LINGO2: variants seen among roughly 807,000 people sequenced by gnomAD.
The protein encoded by LINGO2 is leucine rich repeat and Ig domain containing 2.
A neutral mutation model predicts 30.6 loss-of-function variants in LINGO2; 14 were observed. That is an observed-to-expected ratio of 0.46 (90% confidence interval 0.30 to 0.72). The LOEUF (loss-of-function observed/expected upper bound fraction) is 0.72. Among genes scored for constraint, LINGO2 ranks in the 30% least tolerant of loss-of-function variants. The probability of loss-of-function intolerance (pLI) is 0.07; values close to 1 mark genes in which losing one functional copy is unlikely to be tolerated. For synonymous variants in LINGO2, 317 were observed against 288.5 expected, an observed-to-expected ratio of 1.10 and a Z score of -1.00; for missense variants, 729 against 751.7, an observed-to-expected ratio of 0.97 and a Z score of 0.35.
At chr9:28,117,331 A>G (rs1826942431) in intron 4 of LINGO2, among the ~76,000 whole-genome samples, 1 of 144,466 alleles carries the variant, frequency 6.9e-6, no homozygotes, top group Non-Finnish European at 1.5e-5. Context: ...AGACAGGGAC[A>G]TTTAAGTCTG....
intron 3 of LINGO2, among the ~76,000 whole-genome samples, chr9:28,318,544 T>A (rs1466988332): frequency 6.6e-6 from 1 of 152,158 alleles, no homozygotes; most frequent in Non-Finnish European, 1.5e-5. Flanking sequence ...AGTGATAGAA[T>A]GTGACACTTG....
intron 4 of LINGO2, among the ~76,000 whole-genome samples, chr9:28,127,333 CTA>C (rs930213296): frequency 1.1e-4 from 17 of 152,150 alleles, no homozygotes; most frequent in Non-Finnish European, 2.4e-4. Context: ...TAAAGTACAA[CTA>C]TACTGTTGAA....
intron 5 of LINGO2, among the ~76,000 whole-genome samples, chr9:27,981,255 T>C (rs986788138): frequency 6.6e-6 from 1 of 151,744 alleles, no homozygotes; most frequent in Admixed American, 6.6e-5. Flanking sequence ...CACTTTCCCA[T>C]GTTTTATCTC....
At chr9:28,812,612 T>C in the LINGO2 span, among the ~76,000 whole-genome samples, 1 of 152,188 alleles carries the variant, frequency 6.6e-6, no homozygotes, top group Non-Finnish European at 1.5e-5. Flanking sequence ...ATCTTTCTTT[T>C]ATAAAATATC....
chr9:29,099,408 T>C, the LINGO2 span, among the ~76,000 whole-genome samples: 1 of 152,068 alleles, frequency 6.6e-6, no homozygotes. Context: ...AAAAAGCTTC[T>C]GCAATGCCAA....
intron 4 of LINGO2, among the ~76,000 whole-genome samples, chr9:28,240,004 A>C (rs1321746738): frequency 6.6e-6 from 1 of 152,156 alleles, no homozygotes; most frequent in Non-Finnish European, 1.5e-5. Context: ...ACAATGTGAA[A>C]AATAAATTAA....
the LINGO2 span, among the ~76,000 whole-genome samples, chr9:29,087,634 T>C: frequency 6.6e-6 from 1 of 152,162 alleles, no homozygotes; most frequent in South Asian, 2.1e-4. Flanking sequence ...TATCTCTTAA[T>C]CTTTTAATTT....
intron 4 of LINGO2, among the ~76,000 whole-genome samples, chr9:28,082,882 C>T (rs144593031): frequency 6.6e-6 from 1 of 152,022 alleles, no homozygotes; most frequent in Non-Finnish European, 1.5e-5. Context: ...ATTGTGCAAC[C>T]TTTAAGGCTT....
the LINGO2 span, among the ~76,000 whole-genome samples, chr9:29,191,247 G>C: frequency 1.3e-5 from 2 of 152,038 alleles, no homozygotes; most frequent in African/African-American, 2.4e-5. Context: ...CAGTCTGTTA[G>C]GTGCATTTAA....
intron 5 of LINGO2, among the ~76,000 whole-genome samples, chr9:27,973,489 G>C (rs1322927292): frequency 6.6e-6 from 1 of 152,136 alleles, no homozygotes; most frequent in African/African-American, 2.4e-5. Context: ...GGAAGGAATG[G>C]GTCAAATTCT....
the LINGO2 span, among the ~76,000 whole-genome samples, chr9:29,132,779 G>A: frequency 6.6e-6 from 1 of 152,118 alleles, no homozygotes; most frequent in Non-Finnish European, 1.5e-5. Flanking sequence ...GATCTTCTCA[G>A]AATGATAAGA....
At chr9:28,146,843 T>C (rs1167991626) in intron 4 of LINGO2, among the ~76,000 whole-genome samples, 1 of 152,266 alleles carries the variant, frequency 6.6e-6, no homozygotes, top group Non-Finnish European at 1.5e-5. Flanking sequence ...TTGTAAATAA[T>C]GTATTTGCTT....
the LINGO2 span, among the ~76,000 whole-genome samples, chr9:29,021,482 C>T: frequency 2.6e-5 from 4 of 151,972 alleles, no homozygotes; most frequent in Non-Finnish European, 5.9e-5. Context: ...ATAGTGAAAC[C>T]CCATCTCTAT....
At chr9:28,700,382 G>C in the LINGO2 span, among the ~76,000 whole-genome samples, 7 of 151,780 alleles carry the variant, frequency 4.6e-5, no homozygotes, top group South Asian at 1.5e-3. Flanking sequence ...CCTATAGTTG[G>C]GGGTCACACA....
chr9:28,299,940 C>G (rs1198926201), intron 3 of LINGO2, among the ~76,000 whole-genome samples: 2 of 152,014 alleles, frequency 1.3e-5, no homozygotes, highest in South Asian at 4.1e-4. Flanking sequence ...AGCATGGTGT[C>G]CAAACAACTT....
the LINGO2 span, among the ~76,000 whole-genome samples, chr9:29,083,189 T>C: frequency 6.6e-6 from 1 of 152,094 alleles, no homozygotes; most frequent in African/African-American, 2.4e-5. Flanking sequence ...AACCCAAATG[T>C]CCATCAATGA....
intron 1 of LINGO2, among the ~76,000 whole-genome samples, chr9:28,609,363 G>T (rs1361638705): frequency 6.6e-6 from 1 of 151,616 alleles, no homozygotes; most frequent in East Asian, 1.9e-4. Flanking sequence ...AAAATTTTCA[G>T]CTCAGCAATA....
the LINGO2 span, among the ~76,000 whole-genome samples, chr9:29,150,633 T>G: frequency 6.6e-6 from 1 of 152,126 alleles, no homozygotes; most frequent in Non-Finnish European, 1.5e-5. Flanking sequence ...CAGTTCAAAA[T>G]ATCAACACCA....
At chr9:29,006,049 C>A in the LINGO2 span, among the ~76,000 whole-genome samples, 2 of 150,886 alleles carry the variant, frequency 1.3e-5, no homozygotes, top group African/African-American at 2.4e-5. Flanking sequence ...ATTAATCAAC[C>A]GATAGCTGCT....
Sources: gnomAD v4.1 joint callset for allele counts (sites outside exome capture counted in the v4.1 genomes callset) on GRCh38, gnomAD v4.1.1 for gene constraint, MANE v1.5 for transcripts, NCBI Gene and HGNC (gene_info 2026-07-23, HGNC 2026-07-21) for gene names.